ECT2L: variants seen among roughly 807,000 people sequenced by gnomAD.
The protein encoded by ECT2L is epithelial cell transforming 2 like.
In ECT2L, 126 loss-of-function variants were observed where a neutral mutation model predicts 122.8. That is an observed-to-expected ratio of 1.03 (90% CI 0.89 to 1.19). The LOEUF (loss-of-function observed/expected upper bound fraction) is 1.19, where lower values mean the gene tolerates loss of function less well. ECT2L is among the 50% of genes most tolerant of loss of function. The pLI is 0.00. For missense variants in ECT2L, 1,012 were observed against 1,064.1 expected, an observed-to-expected ratio of 0.95 and a Z score of 0.68; for synonymous variants, 385 against 381.8, an observed-to-expected ratio of 1.01 and a Z score of -0.10.
chr6:138,804,275 AG>A (rs971316262), intron 1 of ECT2L, among the ~76,000 whole-genome samples: 1 of 152,214 alleles, frequency 6.6e-6, no homozygotes, highest in Non-Finnish European at 1.5e-5. Flanking sequence ...AGTGTGAGAA[AG>A]GGGTCCAATT....
chr6:138,892,064 CAT>C (rs1196303254), intron 20 of ECT2L, among the ~76,000 whole-genome samples: 1 of 152,100 alleles, frequency 6.6e-6, no homozygotes, highest in African/African-American at 2.4e-5. Context: ...TCCCATTATG[CAT>C]ATGATTTGCC....
In ECT2L at chr6:138,822,694, G is replaced by A. The variant is rs539623368; in HGVS notation, c.179+8091G>A. On this transcript the variant is annotated intron_variant, in intron 4 of 21. Coordinates refer to ENST00000541398, the MANE Select transcript of ECT2L (RefSeq NM_001077706.3). ...ACAGCTCCGGTCTACAGCTCCCAGC[G>A]TGAGCGACGCAGAAGACGGGTGATT... The A allele has an allele frequency of 7.7e-5, 116 of 1,501,152 alleles. 1 individual carries two copies. The highest frequency in any genetic ancestry group is 1.7e-4 in the Middle Eastern group (1 of 5,782). 93.0% of individuals were successfully genotyped at this position (1,501,152 alleles called of 1,614,324 possible). A position where few individuals can be genotyped will look rare whatever the true frequency, so the allele number is the denominator to read the frequency against.
intron 16 of ECT2L, 76 bp from the exon 17 acceptor site, chr6:138,885,430 A>G (rs1778782924): frequency 1.1e-5 from 16 of 1,447,924 alleles, no homozygotes; most frequent in Non-Finnish European, 1.5e-5. Flanking sequence ...CATTCCATAG[A>G]TCATGCTTGC....
In ECT2L at chr6:138,881,163, T is replaced by C. The variant is rs1562489941; in HGVS notation, c.1872T>C (p.Ser624=). 1 of 1,613,782 alleles carries C rather than the reference T, an allele frequency of 6.2e-7. No homozygotes were observed. The highest frequency in any genetic ancestry group is 8.5e-7 in the Non-Finnish European group (1 of 1,179,812). Residue 624 remains serine (S), a synonymous_variant, in exon 15 of 22, where the codon AGT becomes AGC. Coordinates refer to ENST00000541398, the MANE Select transcript of ECT2L (RefSeq NM_001077706.3). ...IIFCDILQIL[S]LNRQFLDNLR... ...TCTGTGACATTCTACAGATTTTAAGTCTCAACAGGTAAACCCTGAATATGT... is the reference window on the plus strand; with the variant it reads ...TCTGTGACATTCTACAGATTTTAAGCCTCAACAGGTAAACCCTGAATATGT...
At chr6:138,855,746 G>C (rs1450281258) in intron 10 of ECT2L, among the ~76,000 whole-genome samples, 1 of 152,128 alleles carries the variant, frequency 6.6e-6, no homozygotes, top group Non-Finnish European at 1.5e-5. Flanking sequence ...TATTCACACT[G>C]GTTGGATATA....
rs568706654 is a variant in ECT2L at position 138,843,173 on chromosome 6, G to C, written c.537G>C (p.Glu179Asp). The change falls in exon 6 of 22, where the codon GAG becomes GAC. Residue 179 changes from glutamate (E) to aspartate (D), a missense_variant. Coordinates refer to ENST00000541398, the MANE Select transcript of ECT2L (RefSeq NM_001077706.3). ...AAACAGAAGATGAGGAACTACTGGAGAGACAAAGAGAAAAGTGCCTGAGGA... is the reference window on the plus strand; with the variant it reads ...AAACAGAAGATGAGGAACTACTGGACAGACAAAGAGAAAAGTGCCTGAGGA... ...EPKTEDEELL[E>D]RQREKCLRKR... The C allele has an allele frequency of 6.2e-7, 1 of 1,613,038 alleles. No individual in the cohort carries two copies. The highest frequency in any genetic ancestry group is 8.5e-7 in the Non-Finnish European group (1 of 1,179,540).
chr6:138,803,348 T>C (rs1355609873), intron 1 of ECT2L, among the ~76,000 whole-genome samples: 1 of 150,854 alleles, frequency 6.6e-6, no homozygotes, highest in African/African-American at 2.4e-5. Flanking sequence ...ACACACAATA[T>C]ACTATACTAT....
intron 4 of ECT2L, among the ~76,000 whole-genome samples, chr6:138,833,873 C>A (rs1325559463): frequency 1.3e-5 from 2 of 151,918 alleles, no homozygotes; most frequent in South Asian, 2.1e-4. Context: ...AGCACCCAGA[C>A]CCTGACCAAG....
Position 138,811,590 on chromosome 6 carries a change from A to G in ECT2L, c.-243-1248A>G, listed in dbSNP as rs145445103. Among the ~76,000 whole-genome samples, 435 of 152,346 alleles carry G rather than the reference A, an allele frequency of 2.9e-3. 7 individuals are homozygous for G. The highest frequency in any genetic ancestry group is 0.018 in the South Asian group (89 of 4,830). On this transcript the variant is annotated intron_variant, in intron 1 of 21. Transcript: ENST00000541398. ...GAGACCAGGTGCAGCTCGCATCTGT[A>G]ATCCCAGTGTTTAGGGAAGCTGAGA...
At chr6:138,866,154 T>TTG (rs1342512201) in intron 12 of ECT2L, among the ~76,000 whole-genome samples, 2 of 151,046 alleles carry the variant, frequency 1.3e-5, no homozygotes, top group Non-Finnish European at 3.0e-5. Context: ...TCATAGTTTT[T>TTG]TTTTTTTTTT....
chr6:138,885,695 C>A lies in ECT2L; in HGVS notation c.2124C>A (p.Tyr708Ter). ...KMLSLPELLL[Y>*]PSRRFEEYLN... is the part of the protein sequence containing the mutation. Reference sequence around the variant, plus strand: ...ACAGCCTGCCAGAGCTGCTGCTGTACCCATCCCGAAGATTTGAAGAATACC... The same window carrying A: ...ACAGCCTGCCAGAGCTGCTGCTGTAACCATCCCGAAGATTTGAAGAATACC... The change falls in exon 18 of 22, where the codon TAC becomes TAA. Residue 708 changes from tyrosine to a stop codon, truncating the protein, a stop_gained. Transcript: ENST00000541398. LOFTEE classifies it high-confidence loss of function. The A allele has an allele frequency of 6.2e-7, 1 of 1,614,054 alleles. No individual in the cohort carries two copies. Among genetic ancestry groups the A allele is most frequent in the Non-Finnish European group, 8.5e-7 (1 of 1,179,954 alleles).
Position 138,881,251 on chromosome 6 carries a change from T to C in ECT2L, c.1880+80T>C, listed in dbSNP as rs1778636949. 5 of 1,388,418 alleles carry C rather than the reference T, an allele frequency of 3.6e-6. No homozygotes were observed. In the South Asian group the frequency reaches 6.3e-5, roughly 18 times the overall value. The allele number at this position is 1,388,418 out of a possible 1,614,324, so 86.0% of individuals were successfully genotyped here. On this transcript the variant is annotated intron_variant, in intron 15 of 21. Transcript: ENST00000541398. The stretch of plus-strand genomic sequence containing the variant: ...ATGCTTTATTGTTTCAAAAGCAGTA[T>C]GGAGGTGCAATGATGCTCTGACCCT...
chr6:138,882,661 A>G, intron 15 of ECT2L, 63 bp from the exon 16 acceptor site: 5 of 1,585,718 alleles, frequency 3.2e-6, no homozygotes, highest in Admixed American at 1.7e-5. Flanking sequence ...ATGACAATGG[A>G]TATTTGGGTT....
At chr6:138,851,880 A>T (rs1350574042) in intron 9 of ECT2L, among the ~76,000 whole-genome samples, 3 of 152,174 alleles carry the variant, frequency 2.0e-5, no homozygotes, top group Non-Finnish European at 2.9e-5. Flanking sequence ...GTACACTAAC[A>T]ACATTTATTA....
rs1336533841 is a variant in ECT2L, at chr6:138,814,542, AAC to A, written c.120_121del (p.Asn40LysfsTer16). ...LISHWFDLWT[N>X]KQRQEFLFAI... ...AAGTCATTGGTTTGACCTCTGGACT[AAC>A]AAGCAACGTCAAGAATTCTTATTCG... On this transcript the variant is annotated frameshift_variant, in exon 4 of 22. Coordinates refer to ENST00000541398, the MANE Select transcript of ECT2L (RefSeq NM_001077706.3). LOFTEE classifies it high-confidence loss of function. 1.2e-6 allele frequency: 2 copies of A among 1,613,016 alleles called. No individual in the cohort carries two copies. Among genetic ancestry groups the A allele is most frequent in the Non-Finnish European group, 1.7e-6 (2 of 1,179,258 alleles).
At chr6:138,809,274 C>T (rs1256981466) in intron 1 of ECT2L, among the ~76,000 whole-genome samples, 1 of 152,104 alleles carries the variant, frequency 6.6e-6, no homozygotes, top group Non-Finnish European at 1.5e-5. Flanking sequence ...ATCAAAAACA[C>T]TTGTTGGGCC....
At chr6:138,887,498 A>G (rs1778868923) in intron 19 of ECT2L, among the ~76,000 whole-genome samples, 1 of 152,182 alleles carries the variant, frequency 6.6e-6, no homozygotes, top group African/African-American at 2.4e-5. Flanking sequence ...TGCTGGGATT[A>G]CAGGCGTGAG....
chr6:138,813,396 T>C (rs1775965434), intron 3 of ECT2L, 56 bp downstream of exon 3: 2 of 1,366,902 alleles, frequency 1.5e-6, no homozygotes, highest in Non-Finnish European at 2.0e-6. Context: ...AATTTTCCTG[T>C]GATATATTGG....
chr6:138,798,248 G>C (rs1480619062), intron 1 of ECT2L, among the ~76,000 whole-genome samples: 3 of 152,124 alleles, frequency 2.0e-5, no homozygotes, highest in African/African-American at 4.8e-5. Context: ...CACTCAACTT[G>C]AGCCCTTCTC....
Sources: gnomAD v4.1 joint callset for allele counts (sites outside exome capture counted in the v4.1 genomes callset) on GRCh38, gnomAD v4.1.1 for gene constraint, MANE v1.5 for transcripts, NCBI Gene and HGNC (gene_info 2026-07-23, HGNC 2026-07-21) for gene names.